Variants in ITGA4 observed in about 807,000 individuals in gnomAD.
ITGA4 encodes the protein integrin alpha-4.
A neutral mutation model predicts 133.6 loss-of-function variants in ITGA4; 63 were observed. That is an observed-to-expected ratio of 0.47 (90% CI 0.38 to 0.58). The LOEUF (loss-of-function observed/expected upper bound fraction) is 0.58, where lower values mean the gene tolerates loss of function less well. Ranked by LOEUF, ITGA4 falls within the 20% of genes least tolerant of loss-of-function variation. The pLI is 0.00. For synonymous variants in ITGA4, 483 were observed against 438.0 expected (o/e 1.10, Z -1.28); for missense variants, 1,076 against 1,252.7 (o/e 0.86, Z 2.13).
At chr2:181,475,362 C>A in intron 4 of ITGA4, 74 bp downstream of exon 4, 1 of 1,216,480 alleles carries the variant, frequency 8.2e-7, no homozygotes, top group Non-Finnish European at 1.2e-6. Context: ...AATTTATGTT[C>A]AAGTTTAGAT....
chr2:181,535,250 C>G (rs949755997), intron 27 of ITGA4, among the ~76,000 whole-genome samples, 182 bp from the exon 28 acceptor site: 2 of 152,028 alleles, frequency 1.3e-5, no homozygotes, highest in African/African-American at 4.8e-5. Context: ...AAAAATGTTT[C>G]TTTAACCCAG....
Position 181,495,367 on chromosome 2 carries a change from C to T in ITGA4, c.1340-4C>T, listed in dbSNP as rs1686136667. On this transcript the variant is annotated splice_polypyrimidine_tract_variant and splice_region_variant and intron_variant, in intron 12 of 27. Transcript: ENST00000397033. This position sits in a 1 kb window ranked among gnomAD's most constrained non-coding sequence, Gnocchi z 4.3. ...ATTAATCTGTGTTGTTTTTTATCCT[C>T]CAGATGTAGCAGTTGGTGCTTTTCG... The T allele has an allele frequency of 1.9e-6, 3 of 1,607,076 alleles. No individual in the cohort carries two copies. The South Asian group carries it at 3.3e-5, about 18-fold the overall frequency.
chr2:181,531,024 A>C (rs1159112793), intron 24 of ITGA4, among the ~76,000 whole-genome samples: 2 of 152,120 alleles, frequency 1.3e-5, no homozygotes, highest in Non-Finnish European at 2.9e-5. Flanking sequence ...CTGAGGCAGG[A>C]GAATTGCTTG....
At chr2:181,475,653 T>G (rs147612918) in intron 4 of ITGA4, among the ~76,000 whole-genome samples, 1 of 152,316 alleles carries the variant, frequency 6.6e-6, no homozygotes, top group East Asian at 1.9e-4. Flanking sequence ...TTAGGTTTCC[T>G]TTTTTACCTT....
At chr2:181,510,595 G>T (rs1347168042) in intron 16 of ITGA4, among the ~76,000 whole-genome samples, 1 of 152,072 alleles carries the variant, frequency 6.6e-6, no homozygotes, top group East Asian at 1.9e-4. Context: ...TTCACATCCT[G>T]TCCAGACAAA....
chr2:181,519,845 A>C (rs1686682630), intron 17 of ITGA4, among the ~76,000 whole-genome samples: 1 of 151,936 alleles, frequency 6.6e-6, no homozygotes, highest in South Asian at 2.1e-4. Context: ...TGATACTTTC[A>C]TAGACTTCTA....
intron 14 of ITGA4, chr2:181,498,363 G>C (rs1243391994): frequency 1.9e-5 from 4 of 207,664 alleles, no homozygotes; most frequent in Non-Finnish European, 3.8e-5. Flanking sequence ...TAAAGATTAA[G>C]CAAATAACTA....
At chr2:181,524,331 G>T in intron 20 of ITGA4, 81 bp downstream of exon 20, 1 of 760,864 alleles carries the variant, frequency 1.3e-6, no homozygotes, top group Non-Finnish European at 2.1e-6. Context: ...CCGTAAAACT[G>T]TGTTCCATTA....
In ITGA4 at chr2:181,494,795, A is replaced by AT; in HGVS notation, c.1323dup (p.Asn442Ter). 2 of 1,557,584 alleles carry AT rather than the reference A, an allele frequency of 1.3e-6. No homozygotes were observed. The highest frequency in any genetic ancestry group is 8.9e-7 in the Non-Finnish European group (1 of 1,128,772). ...TCTATATCAGGACAAATTGATGCAG[A>AT]TAATAATGGCTATGTAGGTGAGTAA... On this transcript the variant is annotated frameshift_variant, in exon 12 of 28. Coordinates refer to ENST00000397033, the MANE Select transcript of ITGA4 (RefSeq NM_000885.6). LOFTEE classifies it high-confidence loss of function.
intron 24 of ITGA4, among the ~76,000 whole-genome samples, 177 bp from the exon 25 acceptor site, chr2:181,531,480 T>C (rs1485158578): frequency 1.3e-5 from 2 of 152,222 alleles, no homozygotes; most frequent in Non-Finnish European, 2.9e-5. Context: ...CAAACATTCA[T>C]GTCTTGTTTA....
chr2:181,509,803 A>G lies in ITGA4; in HGVS notation c.1841A>G (p.Lys614Arg). ...AAGAAAGAAAAAGACATAATGAAAA[A>G]AACAGTAGGAATATTTTCCTTTATT... Reference protein sequence around the residue: ...QQKKEKDIMKKTINFARFCAH... With the variant: ...QQKKEKDIMKRTINFARFCAH... The change falls in exon 16 of 28, where the codon AAA (lysine) becomes AGA (arginine). Residue 614 changes from lysine (K) to arginine (R), a missense_variant. Around this residue, in one of 4 missense-constraint regions of ITGA4, gnomAD observed 365 missense variants for 421.4 expected, o/e 0.87. Coordinates refer to ENST00000397033, the MANE Select transcript of ITGA4 (RefSeq NM_000885.6). 1 of 1,601,358 alleles carries G rather than the reference A, an allele frequency of 6.2e-7. No individual in the cohort carries two copies. The highest frequency in any genetic ancestry group is 8.5e-7 in the Non-Finnish European group (1 of 1,173,302).
chr2:181,477,036 C>G (rs1001991343), intron 4 of ITGA4, among the ~76,000 whole-genome samples: 1 of 152,110 alleles, frequency 6.6e-6, no homozygotes, highest in African/African-American at 2.4e-5. Context: ...TGCCTATTAC[C>G]TGCATGGGGA....
chr2:181,481,496 G>T, intron 6 of ITGA4, 102 bp from the exon 7 acceptor site: 1 of 470,166 alleles, frequency 2.1e-6, no homozygotes, highest in Non-Finnish European at 3.9e-6. Flanking sequence ...TTAATGTAGT[G>T]ATTTTGAATT....
rs146133310 is a variant in ITGA4 at position 181,469,026 on chromosome 2, T to C, written c.320-5934T>C. 5.8e-4 allele frequency among the ~76,000 whole-genome samples: 89 copies of C among 152,316 alleles called. 1 individual carries two copies. Among genetic ancestry groups the C allele is most frequent in the African/African-American group, 2.0e-3 (84 of 41,572 alleles). On this transcript the variant is annotated intron_variant, in intron 2 of 27. Transcript: ENST00000397033. ...GAGTTTAGATGAGTAATTTATGAAC[T>C]GAATTGAAAACCAGATTATAAATCA... is the stretch of plus-strand genomic sequence containing the variant.
chr2:181,522,786 T>C (rs1347448394), intron 18 of ITGA4, among the ~76,000 whole-genome samples: 1 of 152,232 alleles, frequency 6.6e-6, no homozygotes, highest in East Asian at 1.9e-4. Flanking sequence ...CACACCTTCA[T>C]ACCAATAGTG....
At chr2:181,469,812 A>G (rs1241049156) in intron 2 of ITGA4, among the ~76,000 whole-genome samples, 2 of 152,112 alleles carry the variant, frequency 1.3e-5, no homozygotes, top group African/African-American at 4.8e-5. Flanking sequence ...AACTATCACA[A>G]GAACAAAAAA....
At chr2:181,534,770 A>ATTTT (rs5836796) in intron 26 of ITGA4, 46 bp from the exon 27 acceptor site, 106 of 1,298,822 alleles carry the variant, frequency 8.2e-5, no homozygotes, top group Middle Eastern at 4.2e-4. Context: ...TTTTAAACTG[A>ATTTT]TTTTTTTTTT....
Position 181,524,247 on chromosome 2 carries a change from C to A in ITGA4, c.2246C>A (p.Thr749Asn). ...GACCTCAGTATCACAGTGCATGCTA[C>A]CTGGTATAATTTATTGTTAATAAAA... ...EEDLSITVHA[T>N]CENEEEMDNL... The change falls in exon 20 of 28, where the codon ACC (threonine) becomes AAC (asparagine). Residue 749 changes from threonine (T) to asparagine (N), a missense_variant. By Grantham distance (65) the Thr-to-Asn change is moderately conservative. Coordinates refer to ENST00000397033, the MANE Select transcript of ITGA4 (RefSeq NM_000885.6). 1.3e-6 allele frequency: 2 copies of A among 1,542,098 alleles called. No individual in the cohort carries two copies. The highest frequency in any genetic ancestry group is 1.8e-6 in the Non-Finnish European group (2 of 1,132,976).
intron 2 of ITGA4, among the ~76,000 whole-genome samples, chr2:181,472,772 A>G (rs939455017): frequency 1.3e-5 from 2 of 152,080 alleles, no homozygotes; most frequent in Non-Finnish European, 2.9e-5. Flanking sequence ...CCTATCTCCC[A>G]CACACAATTT....
Sources: gnomAD v4.1 joint callset for allele counts (sites outside exome capture counted in the v4.1 genomes callset) on GRCh38, gnomAD v4.1.1 for gene constraint, gnomAD v4.1.1 regional missense constraint, Gnocchi (gnomAD v3.1) non-coding constraint, MANE v1.5 for transcripts, NCBI Gene and HGNC (gene_info 2026-07-23, HGNC 2026-07-21) for gene names.